FOXJ3: variants seen among roughly 807,000 people sequenced by gnomAD.
FOXJ3 encodes forkhead box protein J3.
Under a neutral mutation model 76.1 loss-of-function variants are expected in FOXJ3, and 22 were observed. The ratio of observed to expected loss-of-function variants is 0.29; its 90% CI spans 0.21 to 0.41. The LOEUF is 0.41. Among genes scored for constraint, FOXJ3 ranks in the 10% least tolerant of loss-of-function variants. The pLI, the probability that FOXJ3 is intolerant of heterozygous loss-of-function variation, is 1.00. For synonymous variants in FOXJ3, 269 were observed against 261.2 expected (o/e 1.03, Z -0.29); for missense variants, 613 against 762.1 (o/e 0.80, Z 2.30).
intron 6 of FOXJ3, among the ~76,000 whole-genome samples, chr1:42,202,411 T>TAA (rs10711887): frequency 1.3e-4 from 20 of 148,740 alleles, no homozygotes; most frequent in African/African-American, 2.0e-4. Context: ...TTGTTTACTG[T>TAA]AAAAAAAAAA....
chr1:42,222,107 A>AGAAGAAGAG, intron 5 of FOXJ3, among the ~76,000 whole-genome samples: 1 of 149,062 alleles, frequency 6.7e-6, no homozygotes, highest in Non-Finnish European at 1.5e-5. Context: ...AAGAAGAAGA[A>AGAAGAAGAG]GAAATAAAAA....
At chr1:42,205,903 T>C (rs1557636498) in intron 5 of FOXJ3, 40 bp from the exon 6 acceptor site, 2 of 1,198,972 alleles carry the variant, frequency 1.7e-6, no homozygotes, top group East Asian at 2.4e-5. Flanking sequence ...TTAGCTCATA[T>C]ATCCAGCAAC....
intron 5 of FOXJ3, 118 bp downstream of exon 5, chr1:42,227,765 A>G: frequency 2.0e-6 from 1 of 489,394 alleles, no homozygotes; most frequent in Non-Finnish European, 3.6e-6. Context: ...AAAATGCTAC[A>G]CAAATAAAAT....
chr1:42,225,218 C>G (rs1485974702), intron 5 of FOXJ3, among the ~76,000 whole-genome samples: 3 of 152,054 alleles, frequency 2.0e-5, no homozygotes, highest in Admixed American at 6.5e-5. Flanking sequence ...TCACAAATTT[C>G]AGAAATTTAA....
intron 11 of FOXJ3, among the ~76,000 whole-genome samples, chr1:42,182,466 C>T (rs1646344364): frequency 6.6e-6 from 1 of 152,202 alleles, no homozygotes; most frequent in Non-Finnish European, 1.5e-5. Flanking sequence ...ATTAGTTTGA[C>T]AGTGCTAGGA....
chr1:42,331,457 T>TATACA (rs1656161015), intron 1 of FOXJ3, among the ~76,000 whole-genome samples: 1 of 152,190 alleles, frequency 6.6e-6, no homozygotes, highest in Non-Finnish European at 1.5e-5. Context: ...CAACGTAGTA[T>TATACA]ATACATACAG....
intron 4 of FOXJ3, among the ~76,000 whole-genome samples, chr1:42,230,442 T>C (rs1647983909): frequency 1.3e-5 from 2 of 152,340 alleles, no homozygotes; most frequent in South Asian, 2.1e-4. Context: ...TACCTGCATA[T>C]ACCTAATGAG....
intron 2 of FOXJ3, among the ~76,000 whole-genome samples, chr1:42,302,140 G>A (rs1654190386): frequency 1.3e-5 from 2 of 152,172 alleles, no homozygotes; most frequent in African/African-American, 2.4e-5. Flanking sequence ...TACTGGGCAC[G>A]TGAGCAGGCT....
intron 4 of FOXJ3, among the ~76,000 whole-genome samples, chr1:42,252,171 T>C (rs12084377): frequency 0.027 from 4,170 of 152,236 alleles, 147 homozygotes; most frequent in African/African-American, 0.082. Context: ...TCTTTTCCTA[T>C]TGATTGGAAT....
intron 1 of FOXJ3, among the ~76,000 whole-genome samples, chr1:42,334,515 G>A (rs998783357): frequency 2.6e-5 from 4 of 152,092 alleles, no homozygotes; most frequent in Admixed American, 1.3e-4. Flanking sequence ...CCTAATCCCA[G>A]CAAAGGACAC....
At chr1:42,198,584 T>C (rs1395619083) in intron 7 of FOXJ3, among the ~76,000 whole-genome samples, 1 of 152,166 alleles carries the variant, frequency 6.6e-6, no homozygotes, top group Non-Finnish European at 1.5e-5. Context: ...CAAATTAGCA[T>C]AGGAGCAAGA....
chr1:42,224,287 T>G (rs191246858), intron 5 of FOXJ3, among the ~76,000 whole-genome samples: 1 of 152,140 alleles, frequency 6.6e-6, no homozygotes, highest in Non-Finnish European at 1.5e-5. Context: ...AATGATAAGA[T>G]GAAATAAATT....
rs1376195720 is a variant in FOXJ3, at chr1:42,222,502, G to C, written c.528+5381C>G. Among the ~76,000 whole-genome samples, 4 of 152,182 alleles carry C rather than the reference G, an allele frequency of 2.6e-5. No individual in the cohort carries two copies. In the South Asian group the frequency reaches 6.2e-4, roughly 24 times the overall value. ...ATCAGTTTATCTTCCCTGCTTGAGT[G>C]AGGAGAGGGTATGACTGTCTTGTTT... On this transcript the variant is annotated intron_variant, in intron 5 of 12. Coordinates refer to ENST00000361346, the MANE Select transcript of FOXJ3 (RefSeq NM_014947.5).
intron 6 of FOXJ3, among the ~76,000 whole-genome samples, chr1:42,204,195 T>C (rs1158280690): frequency 2.0e-5 from 3 of 151,892 alleles, no homozygotes; most frequent in Non-Finnish European, 4.4e-5. Flanking sequence ...ACAAAGCTTA[T>C]CTCAATGTGT....
At chr1:42,282,506 T>C (rs905165557) in intron 2 of FOXJ3, among the ~76,000 whole-genome samples, 1 of 152,222 alleles carries the variant, frequency 6.6e-6, no homozygotes, top group Non-Finnish European at 1.5e-5. Flanking sequence ...AACTGACATG[T>C]TGTTTCACAT....
intron 8 of FOXJ3, among the ~76,000 whole-genome samples, chr1:42,192,670 A>C (rs577866955): frequency 6.6e-6 from 1 of 152,288 alleles, no homozygotes; most frequent in Admixed American, 6.5e-5. Flanking sequence ...TTACTGCAAC[A>C]TTTGGTTCTA....
chr1:42,305,291 T>G (rs992402761), intron 2 of FOXJ3, among the ~76,000 whole-genome samples: 1 of 152,168 alleles, frequency 6.6e-6, no homozygotes, highest in African/African-American at 2.4e-5. Flanking sequence ...TTTTGTACAC[T>G]GTTGGTGGGA....
chr1:42,302,049 G>A (rs1266101365), intron 2 of FOXJ3, among the ~76,000 whole-genome samples: 1 of 152,158 alleles, frequency 6.6e-6, no homozygotes, highest in East Asian at 1.9e-4. Context: ...GCTTTCAGTG[G>A]CAAAGAGTCT....
At position 42,228,525 on chromosome 1, in the gene FOXJ3, A is replaced by T. The variant is rs531763436; in HGVS notation, c.445-559T>A. Among the ~76,000 whole-genome samples, 7 of 149,632 alleles carry T rather than the reference A, an allele frequency of 4.7e-5. No individual in the cohort carries two copies. The East Asian group carries it at 1.4e-3, about 30-fold the overall frequency. ...AGCATTCATTTGAAAATATGTATGGAGCACCTACTGTGTTCCAGGTACTCA... is the reference window on the plus strand; with the variant it reads ...AGCATTCATTTGAAAATATGTATGGTGCACCTACTGTGTTCCAGGTACTCA... On this transcript the variant is annotated intron_variant, in intron 4 of 12. Coordinates refer to ENST00000361346, the MANE Select transcript of FOXJ3 (RefSeq NM_014947.5).
Sources: allele counts gnomAD v4.1 joint callset (sites outside exome capture counted in the v4.1 genomes callset), GRCh38; gene constraint gnomAD v4.1.1; transcripts MANE v1.5; gene names NCBI Gene and HGNC (gene_info 2026-07-23, HGNC 2026-07-21).